Variants in LSAMP observed in about 807,000 individuals in gnomAD.
The protein encoded by LSAMP is limbic system associated membrane protein, also known as limbic system-associated membrane protein.
A neutral mutation model predicts 38.6 loss-of-function variants in LSAMP; 7 were observed. The ratio of observed to expected loss-of-function variants is 0.18; its 90% CI spans 0.10 to 0.34. LSAMP has a LOEUF of 0.34. Among genes scored for constraint, LSAMP ranks in the 10% least tolerant of loss-of-function variants. The probability of loss-of-function intolerance (pLI) is 1.00; values close to 1 mark genes in which losing one functional copy is unlikely to be tolerated. For missense variants in LSAMP, 313 were observed against 420.0 expected (o/e 0.75, Z 2.23); for synonymous variants, 154 against 166.8 (o/e 0.92, Z 0.59).
intron 1 of LSAMP, among the ~76,000 whole-genome samples, chr3:116,249,390 A>ATT (rs11341717): frequency 1.8e-4 from 26 of 148,254 alleles, no homozygotes; most frequent in Non-Finnish European, 2.8e-4. Context: ...AAGATTCTAT[A>ATT]TTTTTTTTTT....
At chr3:116,432,202 A>C (rs1459833121) in intron 1 of LSAMP, among the ~76,000 whole-genome samples, 1 of 152,012 alleles carries the variant, frequency 6.6e-6, no homozygotes, top group Non-Finnish European at 1.5e-5. Context: ...CAACAAATTA[A>C]TTAGGTTCCT....
At chr3:116,355,673 T>C (rs1196633264) in intron 1 of LSAMP, among the ~76,000 whole-genome samples, 2 of 152,082 alleles carry the variant, frequency 1.3e-5, no homozygotes, top group South Asian at 4.1e-4. Context: ...AAGAAAATAT[T>C]TGCGAACTAT....
chr3:116,410,878 T>C (rs1418645889), intron 1 of LSAMP, among the ~76,000 whole-genome samples: 8 of 152,094 alleles, frequency 5.3e-5, no homozygotes, highest in Non-Finnish European at 1.5e-5. Flanking sequence ...TAGGGTCTTC[T>C]TTTTTGCGAA....
At chr3:115,926,464 A>G (rs1475927109) in intron 3 of LSAMP, among the ~76,000 whole-genome samples, 1 of 152,248 alleles carries the variant, frequency 6.6e-6, no homozygotes, top group Non-Finnish European at 1.5e-5. Context: ...AAGTGTCATG[A>G]GAACAGATAA....
chr3:116,055,216 A>G (rs1414873809), intron 2 of LSAMP, among the ~76,000 whole-genome samples: 1 of 152,328 alleles, frequency 6.6e-6, no homozygotes, highest in African/African-American at 2.4e-5. Flanking sequence ...AGCCCTTTGA[A>G]TAAAATTCAA....
intron 1 of LSAMP, among the ~76,000 whole-genome samples, chr3:116,106,583 C>T (rs893388840): frequency 2.0e-5 from 3 of 151,946 alleles, no homozygotes; most frequent in Admixed American, 6.6e-5. Flanking sequence ...GACCATTAGT[C>T]TGTCACTGAA....
At chr3:116,051,858 C>T (rs866525766) in intron 2 of LSAMP, among the ~76,000 whole-genome samples, 9 of 152,134 alleles carry the variant, frequency 5.9e-5, no homozygotes, top group Non-Finnish European at 1.2e-4. Flanking sequence ...TAATTTTCCT[C>T]TGCGGATGGA....
intron 3 of LSAMP, among the ~76,000 whole-genome samples, chr3:115,986,243 G>A (rs1939506030): frequency 6.6e-6 from 1 of 152,156 alleles, no homozygotes; most frequent in South Asian, 2.1e-4. Flanking sequence ...GCTACAATTA[G>A]TTGGCTGGAG....
chr3:115,978,541 G>A (rs961446043), intron 3 of LSAMP, among the ~76,000 whole-genome samples: 1 of 151,916 alleles, frequency 6.6e-6, no homozygotes, highest in African/African-American at 2.4e-5. Flanking sequence ...TTTAATGATA[G>A]TGACAAATTA....
chr3:116,041,105 G>T (rs939276970), intron 2 of LSAMP, among the ~76,000 whole-genome samples: 9 of 151,852 alleles, frequency 5.9e-5, no homozygotes, highest in African/African-American at 2.2e-4. Flanking sequence ...TAAACTTTTT[G>T]TAGAAATTGG....
chr3:116,444,409 A>ACG (rs1319315328), intron 1 of LSAMP, among the ~76,000 whole-genome samples: 2 of 149,804 alleles, frequency 1.3e-5, no homozygotes, highest in Admixed American at 1.3e-4. Context: ...ACACACACAC[A>ACG]CAGACACGGG....
At chr3:116,058,477 T>A (rs1055207713) in intron 2 of LSAMP, among the ~76,000 whole-genome samples, 3 of 149,146 alleles carry the variant, frequency 2.0e-5, no homozygotes, top group South Asian at 4.2e-4. Context: ...AAAAAAAAAA[T>A]TAAAAAGTTT....
At chr3:116,145,420 G>A (rs1451653374) in intron 1 of LSAMP, among the ~76,000 whole-genome samples, 1 of 151,952 alleles carries the variant, frequency 6.6e-6, no homozygotes, top group African/African-American at 2.4e-5. Context: ...GAGGCCAACA[G>A]TCTAAAAATT....
At chr3:116,197,161 A>T (rs1027882358) in intron 1 of LSAMP, among the ~76,000 whole-genome samples, 2 of 150,128 alleles carry the variant, frequency 1.3e-5, no homozygotes, top group East Asian at 2.0e-4. Flanking sequence ...ACACACACAC[A>T]CACTCTCTCT....
intron 1 of LSAMP, among the ~76,000 whole-genome samples, chr3:116,399,844 T>C (rs1256610696): frequency 1.3e-5 from 2 of 152,222 alleles, no homozygotes; most frequent in Non-Finnish European, 2.9e-5. Context: ...ATCCGAATTC[T>C]GTCTTCAGCT....
At chr3:116,353,507 C>T (rs530127351) in intron 1 of LSAMP, among the ~76,000 whole-genome samples, 1 of 152,112 alleles carries the variant, frequency 6.6e-6, no homozygotes, top group East Asian at 1.9e-4. Flanking sequence ...TGTCTTCCCA[C>T]CTAATTTGGG....
chr3:116,052,251 G>C (rs1941410219), intron 2 of LSAMP, among the ~76,000 whole-genome samples: 1 of 152,138 alleles, frequency 6.6e-6, no homozygotes, highest in Non-Finnish European at 1.5e-5. Context: ...GACAGAAGTA[G>C]AAGTGGATGA....
At chr3:116,056,330 T>C (rs6791561) in intron 2 of LSAMP, among the ~76,000 whole-genome samples, 9,511 of 152,168 alleles carry the variant, frequency 0.063, 958 homozygotes, top group African/African-American at 0.21. Flanking sequence ...AACTAAGTTA[T>C]CCACACTCCT....
At chr3:115,915,217 CTT>C (rs1937224818) in intron 3 of LSAMP, among the ~76,000 whole-genome samples, 1 of 152,208 alleles carries the variant, frequency 6.6e-6, no homozygotes, top group Non-Finnish European at 1.5e-5. Context: ...ACATTCCTAA[CTT>C]TTCTGAGACA....
Sources: gnomAD v4.1 joint callset for allele counts (sites outside exome capture counted in the v4.1 genomes callset) on GRCh38, gnomAD v4.1.1 for gene constraint, MANE v1.5 for transcripts, NCBI Gene and HGNC (gene_info 2026-07-23, HGNC 2026-07-21) for gene names.